Variants in KCNMA1 observed in about 807,000 individuals in gnomAD.
The protein encoded by KCNMA1 is potassium calcium-activated channel subfamily M alpha 1.
Under a neutral mutation model 140.0 loss-of-function variants are expected in KCNMA1, and 29 were observed. The ratio of observed to expected loss-of-function variants is 0.21; its 90% CI spans 0.15 to 0.28. KCNMA1 has a LOEUF of 0.28. Ranked by LOEUF, KCNMA1 falls within the 10% of genes least tolerant of loss-of-function variation. KCNMA1 has a pLI of 1.00. For synonymous variants in KCNMA1, 612 were observed against 611.9 expected (o/e 1.00, Z 0.00); for missense variants, 880 against 1,602.2 (o/e 0.55, Z 7.70).
chr10:77,491,222 G>A (rs2039709797), intron 1 of KCNMA1, among the ~76,000 whole-genome samples: 2 of 152,306 alleles, frequency 1.3e-5, no homozygotes, highest in South Asian at 4.1e-4. Context: ...AGTGGATGGA[G>A]AGTTGATTGG....
intron 19 of KCNMA1, among the ~76,000 whole-genome samples, chr10:76,992,154 T>G (rs1401769958): frequency 2.0e-5 from 3 of 149,868 alleles, no homozygotes; most frequent in Non-Finnish European, 4.4e-5. Flanking sequence ...GCTGGGGGAG[T>G]TTTTTCTTGC....
At chr10:77,132,878 T>C (rs896590738) in intron 5 of KCNMA1, among the ~76,000 whole-genome samples, 1 of 151,970 alleles carries the variant, frequency 6.6e-6, no homozygotes, top group Non-Finnish European at 1.5e-5. Context: ...AGAAGCAACA[T>C]GGAAAAGATA....
rs139943799 is a variant in KCNMA1, at chr10:77,187,310, T to G, written c.603-2394A>C. On this transcript the variant is annotated intron_variant, in intron 3 of 27. Coordinates refer to ENST00000286628, the MANE Select transcript of KCNMA1 (RefSeq NM_001161352.2). ...TGGCTGCAGTGACTTCTCCACTGTT[T>G]CTTACCTTCCTGGTCCTTTCTGTCA... 1.2e-4 allele frequency among the ~76,000 whole-genome samples: 19 copies of G among 152,312 alleles called. No homozygotes were observed. In the East Asian group the frequency reaches 3.7e-3, roughly 29 times the overall value.
intron 3 of KCNMA1, among the ~76,000 whole-genome samples, chr10:77,248,183 C>T (rs77733597): frequency 0.029 from 4,374 of 152,278 alleles, 218 homozygotes; most frequent in East Asian, 0.22. Context: ...AAAATAACTA[C>T]CTAGCCTGCT....
intron 9 of KCNMA1, among the ~76,000 whole-genome samples, chr10:77,102,536 G>A (rs2097124229): frequency 6.6e-6 from 1 of 152,238 alleles, no homozygotes; most frequent in Non-Finnish European, 1.5e-5. Context: ...CACTGCTCAG[G>A]CAGGTTGGGG....
At chr10:77,515,682 T>C (rs1283381173) in intron 1 of KCNMA1, among the ~76,000 whole-genome samples, 1 of 152,192 alleles carries the variant, frequency 6.6e-6, no homozygotes, top group Admixed American at 6.5e-5. Flanking sequence ...TCCCAAATAT[T>C]TGTGGTTCAC....
intron 5 of KCNMA1, among the ~76,000 whole-genome samples, chr10:77,168,580 A>G (rs1429587425): frequency 1.3e-5 from 2 of 152,234 alleles, no homozygotes; most frequent in African/African-American, 4.8e-5. Context: ...AAAAATACAT[A>G]TTATAAGCTT....
intron 5 of KCNMA1, among the ~76,000 whole-genome samples, chr10:77,126,925 G>A (rs992780630): frequency 1.1e-4 from 16 of 152,070 alleles, no homozygotes; most frequent in African/African-American, 2.4e-4. Flanking sequence ...CCAGAAGACC[G>A]AGCATTCTAA....
chr10:77,017,932 G>T (rs1166732997), intron 17 of KCNMA1, among the ~76,000 whole-genome samples: 2 of 152,122 alleles, frequency 1.3e-5, no homozygotes, highest in Non-Finnish European at 2.9e-5. Flanking sequence ...TAGTGCTGGG[G>T]TGTAATAAAC....
intron 23 of KCNMA1, among the ~76,000 whole-genome samples, chr10:76,940,229 T>C (rs1385896656): frequency 6.6e-6 from 1 of 152,206 alleles, no homozygotes; most frequent in Non-Finnish European, 1.5e-5. Context: ...CATCACATCT[T>C]GGGTCTTTTC....
At chr10:77,049,156 C>T (rs944506996) in intron 14 of KCNMA1, among the ~76,000 whole-genome samples, 1 of 152,184 alleles carries the variant, frequency 6.6e-6, no homozygotes, top group Non-Finnish European at 1.5e-5. Flanking sequence ...TCCTGACTTC[C>T]CACCCTGAAA....
At chr10:77,376,095 G>A (rs2154421417) in intron 2 of KCNMA1, among the ~76,000 whole-genome samples, 1 of 152,316 alleles carries the variant, frequency 6.6e-6, no homozygotes, top group South Asian at 2.1e-4. Flanking sequence ...ACTCAGACAG[G>A]CCACGGTCCT....
chr10:77,063,587 G>T (rs961685640), intron 14 of KCNMA1: 4 of 263,480 alleles, frequency 1.5e-5, no homozygotes, highest in African/African-American at 2.3e-5. Flanking sequence ...GTGTAGAATA[G>T]TTGCCTCAAA....
chr10:76,944,318 C>G (rs1209011985), intron 23 of KCNMA1, among the ~76,000 whole-genome samples: 1 of 152,230 alleles, frequency 6.6e-6, no homozygotes, highest in Non-Finnish European at 1.5e-5. Flanking sequence ...AGTTGCCACT[C>G]TCCAGAGATT....
In KCNMA1 at chr10:77,314,584, G is replaced by A. The variant is rs1030265370; in HGVS notation, c.541-63328C>T. Reference sequence around the variant, plus strand: ...CTAAGATGTTGCTTTGTACCTGCTCGTTATCCATCTTGATTGTGTTTATGT... The same window carrying A: ...CTAAGATGTTGCTTTGTACCTGCTCATTATCCATCTTGATTGTGTTTATGT... On this transcript the variant is annotated intron_variant, in intron 2 of 27. Coordinates refer to ENST00000286628, the MANE Select transcript of KCNMA1 (RefSeq NM_001161352.2). 1.6e-4 allele frequency among the ~76,000 whole-genome samples: 24 copies of A among 152,198 alleles called. No individual in the cohort carries two copies. The East Asian group carries it at 3.3e-3, about 21-fold the overall frequency.
chr10:77,373,864 T>C (rs1368827592), intron 2 of KCNMA1: 1 of 152,120 alleles, frequency 6.6e-6, no homozygotes, highest in African/African-American at 2.4e-5. Context: ...CCCTGAAGGT[T>C]CAAGCAGAAT....
intron 1 of KCNMA1, among the ~76,000 whole-genome samples, chr10:77,625,970 A>G (rs2092448598): frequency 6.6e-6 from 1 of 151,918 alleles, no homozygotes; most frequent in African/African-American, 2.4e-5. Flanking sequence ...TCCCACAAAC[A>G]CTGCACAAGG....
rs572560587 is a variant in KCNMA1 at position 77,357,967 on chromosome 10, C to G, written c.540+45895G>C. 5.3e-5 allele frequency among the ~76,000 whole-genome samples: 8 copies of G among 152,284 alleles called. No homozygotes were observed. In the East Asian group the frequency reaches 1.5e-3, roughly 29 times the overall value. On this transcript the variant is annotated intron_variant, in intron 2 of 27. Coordinates refer to ENST00000286628, the MANE Select transcript of KCNMA1 (RefSeq NM_001161352.2). ...AACACCAAGTCACAAAATCAGCTTA[C>G]AGTCAGAGGGAACTTGCAAATGATC... is the stretch of plus-strand genomic sequence containing the variant.
At chr10:77,100,820 C>T (rs907320944) in intron 9 of KCNMA1, among the ~76,000 whole-genome samples, 15 of 152,094 alleles carry the variant, frequency 9.9e-5, no homozygotes, top group African/African-American at 3.6e-4. Context: ...TCAGAATCTT[C>T]AGCAATTATA....
Sources: allele counts gnomAD v4.1 joint callset (sites outside exome capture counted in the v4.1 genomes callset), GRCh38; gene constraint gnomAD v4.1.1; transcripts MANE v1.5; gene names NCBI Gene and HGNC (gene_info 2026-07-23, HGNC 2026-07-21).